The following ARHGEF4 variants were observed in gnomAD, a reference collection of about 807,000 sequenced individuals.
ARHGEF4 encodes Rho guanine nucleotide exchange factor 4.
ARHGEF4 carries 119 observed loss-of-function variants against 162.0 expected under a neutral mutation model. The ratio of observed to expected loss-of-function variants is 0.73; its 90% CI spans 0.63 to 0.86. The LOEUF is 0.86. Among genes scored for constraint, ARHGEF4 ranks in the 40% least tolerant of loss-of-function variants. The pLI, the probability that ARHGEF4 is intolerant of heterozygous loss-of-function variation, is 0.00. For synonymous variants in ARHGEF4, 1,014 were observed against 979.9 expected, an observed-to-expected ratio of 1.03 and a Z score of -0.65; for missense variants, 2,488 against 2,456.0, an observed-to-expected ratio of 1.01 and a Z score of -0.28.
chr2:131,042,027 G>T, intron 10 of ARHGEF4, 83 bp downstream of exon 10: 1 of 1,513,242 alleles, frequency 6.6e-7, no homozygotes, highest in Non-Finnish European at 8.9e-7. Context: ...AAATCTAGAA[G>T]GGAGCTGAAG....
chr2:130,904,573 A>G (rs924811056), intron 1 of ARHGEF4, among the ~76,000 whole-genome samples: 5 of 152,210 alleles, frequency 3.3e-5, no homozygotes, highest in African/African-American at 1.2e-4. Context: ...TCTGTATGTC[A>G]GAACTTGCAC....
At chr2:130,919,903 T>C (rs1161514149) in intron 2 of ARHGEF4, among the ~76,000 whole-genome samples, 5 of 151,926 alleles carry the variant, frequency 3.3e-5, no homozygotes, top group Admixed American at 3.3e-4. Context: ...TATATACATA[T>C]CTGTCTCTAT....
At chr2:131,004,227 A>G (rs1444686450) in intron 4 of ARHGEF4, among the ~76,000 whole-genome samples, 2 of 152,102 alleles carry the variant, frequency 1.3e-5, no homozygotes, top group Admixed American at 6.5e-5. Flanking sequence ...GTGCAATGGC[A>G]CGATCTCGAC....
chr2:130,903,369 C>T (rs1238627714), intron 1 of ARHGEF4, among the ~76,000 whole-genome samples: 1 of 151,982 alleles, frequency 6.6e-6, no homozygotes, highest in African/African-American at 2.4e-5. Context: ...AAGTGATTCT[C>T]CTGCCTCAGC....
intron 1 of ARHGEF4, among the ~76,000 whole-genome samples, chr2:130,868,531 CTT>C (rs1288672104): frequency 1.3e-5 from 2 of 151,970 alleles, no homozygotes; most frequent in Non-Finnish European, 2.9e-5. Flanking sequence ...AGCGTGGTGT[CTT>C]TAGGGAATAC....
chr2:131,011,559 C>A, intron 4 of ARHGEF4: 1 of 1,417,532 alleles, frequency 7.1e-7, no homozygotes, highest in Non-Finnish European at 9.4e-7. Flanking sequence ...CATGTGCTTC[C>A]ATATCAGCCA....
chr2:130,883,404 G>A (rs996261127), intron 1 of ARHGEF4, among the ~76,000 whole-genome samples: 2 of 152,104 alleles, frequency 1.3e-5, no homozygotes, highest in African/African-American at 4.8e-5. Flanking sequence ...TGTGCTCACC[G>A]TTCCCTGTGT....
intron 1 of ARHGEF4, among the ~76,000 whole-genome samples, chr2:130,867,941 T>C (rs1266030175): frequency 1.4e-5 from 2 of 147,210 alleles, no homozygotes; most frequent in South Asian, 2.1e-4. Context: ...TTTTTCTTTT[T>C]TTTTTTTTTT....
chr2:130,897,682 A>G (rs1399149355), intron 1 of ARHGEF4, among the ~76,000 whole-genome samples: 2 of 152,238 alleles, frequency 1.3e-5, no homozygotes, highest in Non-Finnish European at 1.5e-5. Flanking sequence ...ACTCATAGAG[A>G]CACATAAAAT....
chr2:130,989,769 C>T (rs72614453), intron 4 of ARHGEF4, among the ~76,000 whole-genome samples: 3,607 of 152,226 alleles, frequency 0.024, 156 homozygotes, highest in East Asian at 0.21. Context: ...AACTTTATGA[C>T]GGCGGGGCCT....
At chr2:130,980,259 T>G (rs1179490690) in intron 4 of ARHGEF4, among the ~76,000 whole-genome samples, 1 of 152,016 alleles carries the variant, frequency 6.6e-6, no homozygotes, top group Non-Finnish European at 1.5e-5. Context: ...TAGCTGAGCA[T>G]GGTGGTGGGT....
At chr2:131,028,338 C>T (rs1689616758) in intron 5 of ARHGEF4, among the ~76,000 whole-genome samples, 1 of 152,200 alleles carries the variant, frequency 6.6e-6, no homozygotes. Context: ...TGCTGGTCCA[C>T]CTTATGGGGC....
chr2:130,933,702 T>C (rs1322583507), intron 3 of ARHGEF4, among the ~76,000 whole-genome samples: 1 of 152,224 alleles, frequency 6.6e-6, no homozygotes, highest in Non-Finnish European at 1.5e-5. Context: ...TAAATGGAAA[T>C]TTTTAAAAGC....
intron 4 of ARHGEF4, among the ~76,000 whole-genome samples, chr2:130,985,480 T>C (rs566362932): frequency 1.8e-4 from 28 of 151,966 alleles, no homozygotes; most frequent in African/African-American, 6.3e-4. Context: ...TCTCCCTGAC[T>C]GACTAAAACT....
chr2:131,045,684 G>A, intron 13 of ARHGEF4: 9 of 1,472,924 alleles, frequency 6.1e-6, no homozygotes, highest in East Asian at 2.4e-5. Context: ...AGGGCCATTG[G>A]TGACAATGCT....
Position 131,041,448 on chromosome 2 carries a change from G to C in ARHGEF4, c.4881G>C (p.Thr1627=). Residue 1627 remains threonine (T), a synonymous_variant, in exon 9 of 14, where the codon ACG becomes ACC. Transcript: ENST00000409359. Reference sequence around the variant, plus strand: ...AGCTGGCCGAGCTGCTCAAATACACGCACCCCCAGCACAGGTAGGAGGGCA... The same window carrying C: ...AGCTGGCCGAGCTGCTCAAATACACCCACCCCCAGCACAGGTAGGAGGGCA... ...PLQLAELLKY[T]HPQHRDFKDV... 6.2e-7 allele frequency: 1 copy of C among 1,612,290 alleles called. No homozygotes were observed. Among genetic ancestry groups the C allele is most frequent in the East Asian group, 2.2e-5 (1 of 44,870 alleles).
intron 1 of ARHGEF4, among the ~76,000 whole-genome samples, chr2:130,889,880 T>G (rs1679756385): frequency 2.0e-5 from 3 of 152,112 alleles, no homozygotes; most frequent in Admixed American, 6.6e-5. Context: ...CAATTCTGGT[T>G]TGGCTGCTAC....
chr2:131,035,684 A>C, intron 5 of ARHGEF4: 1 of 986,378 alleles, frequency 1.0e-6, no homozygotes, highest in South Asian at 4.7e-5. Context: ...TGTTACCTGC[A>C]GTTGTTTTTC....
chr2:130,963,255 C>A (rs1052036335), intron 4 of ARHGEF4, among the ~76,000 whole-genome samples: 1 of 152,140 alleles, frequency 6.6e-6, no homozygotes, highest in African/African-American at 2.4e-5. Flanking sequence ...CCCGGGCTGT[C>A]AGGAGGGTCG....
Sources: gnomAD v4.1 joint callset for allele counts (sites outside exome capture counted in the v4.1 genomes callset) on GRCh38, gnomAD v4.1.1 for gene constraint, MANE v1.5 for transcripts, NCBI Gene and HGNC (gene_info 2026-07-23, HGNC 2026-07-21) for gene names.